Variants in VPS18 observed in about 807,000 individuals in gnomAD.
VPS18 encodes the protein vacuolar protein sorting-associated protein 18 homolog.
Under a neutral mutation model 82.0 loss-of-function variants are expected in VPS18, and 25 were observed. That is an observed-to-expected ratio of 0.30 (90% confidence interval 0.22 to 0.43). The LOEUF (loss-of-function observed/expected upper bound fraction) is 0.43, where lower values mean the gene tolerates loss of function less well. Ranked by LOEUF, VPS18 falls within the 20% of genes least tolerant of loss-of-function variation. The probability of loss-of-function intolerance (pLI) is 1.00; values close to 1 mark genes in which losing one functional copy is unlikely to be tolerated. For synonymous variants in VPS18, 523 were observed against 543.0 expected, an observed-to-expected ratio of 0.96 and a Z score of 0.51; for missense variants, 1,168 against 1,311.1, an observed-to-expected ratio of 0.89 and a Z score of 1.69.
rs1045795000 is a variant in VPS18, at chr15:40,902,456, T to G, written c.2197-160T>G. ...TTCACTAAAATTGGAGCCCTACTACTCTAAGTAGCTTTTACATAGCTGTGG... is the reference window on the plus strand; with the variant it reads ...TTCACTAAAATTGGAGCCCTACTACGCTAAGTAGCTTTTACATAGCTGTGG... On this transcript the variant is annotated intron_variant, in intron 4 of 4. Transcript: ENST00000220509. The surrounding 1 kb of genome is among the most constrained non-coding windows in gnomAD (Gnocchi z 4.2). Among the ~76,000 whole-genome samples the G allele has an allele frequency of 6.6e-6, 1 of 152,194 alleles. No homozygotes were observed.
Position 40,899,304 on chromosome 15 carries a change from C to T in VPS18, c.486C>T (p.Val162=), listed in dbSNP as rs1892294584. 7 of 1,614,086 alleles carry T rather than the reference C, an allele frequency of 4.3e-6. No homozygotes were observed. In the South Asian group the frequency reaches 5.5e-5, roughly 13 times the overall value. The change falls in exon 4 of 5, where the codon GTC becomes GTT. Residue 162 remains valine (V), a synonymous_variant. Coordinates refer to ENST00000220509, the MANE Select transcript of VPS18 (RefSeq NM_020857.3). The surrounding 1 kb of genome is among the most constrained non-coding windows in gnomAD (Gnocchi z 4.4). Reference sequence around the variant, plus strand: ...AGAGCAGCACAGGCCCCATCCTGGTCGGGACTGCCCAAGGCCACATCTTTG... The same window carrying T: ...AGAGCAGCACAGGCCCCATCCTGGTTGGGACTGCCCAAGGCCACATCTTTG... The part of the protein sequence containing the change: ...GTESSTGPIL[V]GTAQGHIFEA...
chr15:40,901,622 G>A (rs1412349233), intron 4 of VPS18, among the ~76,000 whole-genome samples: 2 of 151,368 alleles, frequency 1.3e-5, no homozygotes, highest in African/African-American at 2.4e-5. Flanking sequence ...AAAAATACTC[G>A]GGGCCGGGCG....
Position 40,899,073 on chromosome 15 carries a change from G to C in VPS18, c.326-71G>C. 1 of 1,606,066 alleles carries C rather than the reference G, an allele frequency of 6.2e-7. No individual in the cohort carries two copies. On this transcript the variant is annotated intron_variant, in intron 3 of 4. Transcript: ENST00000220509. This position sits in a 1 kb window ranked among gnomAD's most constrained non-coding sequence, Gnocchi z 4.4. The stretch of plus-strand genomic sequence containing the variant: ...TGGGTGGGTGGGCTCTGAGGGTGGT[G>C]TGGGGGCCAGGAGGAGGCTGAGGAT...
At chr15:40,896,365 C>A (rs1202768675) in intron 2 of VPS18, among the ~76,000 whole-genome samples, 6 of 151,898 alleles carry the variant, frequency 4.0e-5, no homozygotes, top group African/African-American at 1.4e-4. Flanking sequence ...ATAGTGAGAC[C>A]CCCGTCTCTA....
intron 4 of VPS18, among the ~76,000 whole-genome samples, chr15:40,901,358 G>A (rs892762148): frequency 6.6e-6 from 1 of 152,228 alleles, no homozygotes. Flanking sequence ...GGAGGCCGAG[G>A]TGGGCGGATC....
intron 4 of VPS18, among the ~76,000 whole-genome samples, chr15:40,901,244 CA>C (rs1892352425): frequency 6.6e-6 from 1 of 152,172 alleles, no homozygotes; most frequent in Admixed American, 6.5e-5. Context: ...TATTTGGCCA[CA>C]AAAGGGGGTC....
intron 2 of VPS18, among the ~76,000 whole-genome samples, chr15:40,897,508 G>T (rs1892250123): frequency 6.6e-6 from 1 of 152,126 alleles, no homozygotes; most frequent in Admixed American, 6.6e-5. Flanking sequence ...TATGAAAAAA[G>T]ATGTTAACAT....
At position 40,899,722 on chromosome 15, in the gene VPS18, CCTGA is replaced by C; in HGVS notation, c.907_910del (p.Asp303LeufsTer3). 1.2e-6 allele frequency: 2 copies of C among 1,613,940 alleles called. No individual in the cohort carries two copies. Among genetic ancestry groups the C allele is most frequent in the Non-Finnish European group, 1.7e-6 (2 of 1,180,040 alleles). On this transcript the variant is annotated frameshift_variant, in exon 4 of 5. Transcript: ENST00000220509. LOFTEE classifies it high-confidence loss of function. This position sits in a 1 kb window ranked among gnomAD's most constrained non-coding sequence, Gnocchi z 4.4. ...GTATGGGGCATTGGACTGTGGGCGC[CCTGA>C]CTCTCTGCTGAGCGAGGAGCGAGTC...
In VPS18 at chr15:40,899,671, G is replaced by A. The variant is rs1346457831; in HGVS notation, c.853G>A (p.Ala285Thr). 11 of 1,613,754 alleles carry A rather than the reference G, an allele frequency of 6.8e-6. No individual in the cohort carries two copies. The highest frequency in any genetic ancestry group is 1.1e-5 in the South Asian group (1 of 91,082). ...PKLRSAPRAFAWMMGDGVLYG... is the reference protein window; with the variant it reads ...PKLRSAPRAFTWMMGDGVLYG... ...GCTGCGCTCCGCACCCCGGGCCTTCGCCTGGATGATGGGGGATGGTGTGTT... is the reference window on the plus strand; with the variant it reads ...GCTGCGCTCCGCACCCCGGGCCTTCACCTGGATGATGGGGGATGGTGTGTT... Residue 285 changes from alanine to threonine, a missense_variant, in exon 4 of 5, where the codon GCC becomes ACC. Coordinates refer to ENST00000220509, the MANE Select transcript of VPS18 (RefSeq NM_020857.3). The surrounding 1 kb of genome is among the most constrained non-coding windows in gnomAD (Gnocchi z 4.4).
chr15:40,899,416 G>A lies in VPS18; in HGVS notation c.598G>A (p.Gly200Arg). 6.2e-7 allele frequency: 1 copy of A among 1,603,594 alleles called. No homozygotes were observed. Among genetic ancestry groups the A allele is most frequent in the Non-Finnish European group, 8.5e-7 (1 of 1,172,248 alleles). ...FRPLYVLNEE[G>R]GPAPVCSLEA... ...CCCATTGTACGTGCTAAATGAAGAA[G>A]GGGGTCCAGCACCTGTGTGCTCCCT... The change falls in exon 4 of 5, where the codon GGG (glycine) becomes AGG (arginine). Residue 200 changes from glycine to arginine, a missense_variant. By Grantham distance (125) the Gly-to-Arg change is moderately radical (BLOSUM62 -2). This residue lies in a region of VPS18 where 868 missense variants were observed against 939.8 expected (regional missense o/e 0.92). Coordinates refer to ENST00000220509, the MANE Select transcript of VPS18 (RefSeq NM_020857.3). This position sits in a 1 kb window ranked among gnomAD's most constrained non-coding sequence, Gnocchi z 4.4.
intron 1 of VPS18, among the ~76,000 whole-genome samples, chr15:40,895,523 C>A (rs1050363501): frequency 1.3e-5 from 2 of 152,140 alleles, no homozygotes; most frequent in African/African-American, 4.8e-5. Context: ...CAACTCTACA[C>A]TGAGGCTCAT....
chr15:40,897,488 A>G (rs545120870), intron 2 of VPS18, among the ~76,000 whole-genome samples: 3 of 152,310 alleles, frequency 2.0e-5, no homozygotes, highest in African/African-American at 7.2e-5. Flanking sequence ...CACCCTATTT[A>G]TGTTATGAGT....
chr15:40,898,603 TG>T (rs1295674555), intron 2 of VPS18: 8 of 403,898 alleles, frequency 2.0e-5, no homozygotes, highest in Non-Finnish European at 3.3e-5. Context: ...CCCAAATAGC[TG>T]GGACCACAGG....
rs558551486 is a variant in VPS18 at position 40,899,412 on chromosome 15, A to G, written c.594A>G (p.Glu198=). ...LYFRPLYVLN[E]EGGPAPVCSL... is the part of the protein sequence containing the mutation. ...TCCGCCCATTGTACGTGCTAAATGA[A>G]GAAGGGGGTCCAGCACCTGTGTGCT... The change falls in exon 4 of 5, where the codon GAA becomes GAG. Residue 198 remains glutamate (E), a synonymous_variant. Coordinates refer to ENST00000220509, the MANE Select transcript of VPS18 (RefSeq NM_020857.3). This position sits in a 1 kb window ranked among gnomAD's most constrained non-coding sequence, Gnocchi z 4.4. The G allele has an allele frequency of 1.3e-4, 209 of 1,603,950 alleles. 2 individuals are homozygous for G. In the East Asian group the frequency reaches 4.6e-3, roughly 35 times the overall value.
At chr15:40,901,215 A>C (rs1892351757) in intron 4 of VPS18, among the ~76,000 whole-genome samples, 1 of 152,214 alleles carries the variant, frequency 6.6e-6, no homozygotes, top group African/African-American at 2.4e-5. Context: ...TTAGTTTCTG[A>C]ACCTCTCTGT....
chr15:40,901,457 C>T (rs1179954706), intron 4 of VPS18, among the ~76,000 whole-genome samples: 2 of 151,890 alleles, frequency 1.3e-5, no homozygotes, highest in African/African-American at 4.8e-5. Context: ...CATTGTGGTG[C>T]ATGCCTGTAA....
chr15:40,898,384 C>T (rs1596175029), intron 2 of VPS18, among the ~76,000 whole-genome samples: 1 of 152,132 alleles, frequency 6.6e-6, no homozygotes, highest in East Asian at 1.9e-4. Context: ...CAGGTGTGAG[C>T]CACTGCACCT....
At position 40,903,079 on chromosome 15, in the gene VPS18, T is replaced by G. The variant is rs755752628; in HGVS notation, c.2660T>G (p.Leu887Arg). 9 of 1,614,088 alleles carry G rather than the reference T, an allele frequency of 5.6e-6. No homozygotes were observed. Among genetic ancestry groups the G allele is most frequent in the Middle Eastern group, 3.3e-4 (2 of 6,054 alleles). The change falls in exon 5 of 5, where the codon CTG (leucine) becomes CGG (arginine). Residue 887 changes from leucine to arginine, a missense_variant. Physicochemically the swap from Leu to Arg is moderately radical, Grantham distance 102. Transcript: ENST00000220509. Reference protein sequence around the residue: ...DCLLQAVRPGLPAYKQARLEE... With the variant: ...DCLLQAVRPGRPAYKQARLEE... ...CTGCTGCAGGCTGTGCGACCTGGCC[T>G]GCCAGCCTACAAGCAGGCCCGGCTG...
rs746117905 is a variant in VPS18, at chr15:40,898,900, C to T, written c.234-7C>T. 1.2e-6 allele frequency: 2 copies of T among 1,612,790 alleles called. No individual in the cohort carries two copies. The highest frequency in any genetic ancestry group is 4.5e-5 in the East Asian group (2 of 44,882). On this transcript the variant is annotated splice_region_variant and splice_polypyrimidine_tract_variant and intron_variant, in intron 2 of 4. Coordinates refer to ENST00000220509, the MANE Select transcript of VPS18 (RefSeq NM_020857.3). ...CTCTAAAGTGATGGTGACGCTTGTC[C>T]CCACAGCATTGACTTGGGCAAGGCA...
Sources: allele counts gnomAD v4.1 joint callset (sites outside exome capture counted in the v4.1 genomes callset), GRCh38; gene constraint gnomAD v4.1.1; regional missense constraint gnomAD v4.1.1; non-coding constraint Gnocchi (gnomAD v3.1); transcripts MANE v1.5; gene names NCBI Gene and HGNC (gene_info 2026-07-23, HGNC 2026-07-21).